SGCE: variants seen among roughly 807,000 people sequenced by gnomAD.
SGCE encodes the protein epsilon-sarcoglycan.
A neutral mutation model predicts 57.8 loss-of-function variants in SGCE; 26 were observed. That is an observed-to-expected ratio of 0.45 (90% CI 0.33 to 0.62). The LOEUF is 0.62. Among genes scored for constraint, SGCE ranks in the 20% least tolerant of loss-of-function variants. The pLI is 0.02. For missense variants in SGCE, 468 were observed against 548.6 expected (o/e 0.85, Z 1.47); for synonymous variants, 183 against 189.5 (o/e 0.97, Z 0.28).
intron 3 of SGCE, chr7:94,626,738 T>C (rs1321570887): frequency 2.6e-5 from 4 of 152,032 alleles, no homozygotes; most frequent in Non-Finnish European, 1.5e-5. Context: ...AATAGATTTA[T>C]CAGACAGAGT....
intron 7 of SGCE, chr7:94,600,334 C>T (rs1244085616): frequency 6.3e-6 from 2 of 318,872 alleles, no homozygotes; most frequent in African/African-American, 4.3e-5. Context: ...ATTCTGCAGT[C>T]TCTGCTCATG....
intron 4 of SGCE, chr7:94,620,542 G>A (rs1040972754): frequency 4.6e-5 from 7 of 152,088 alleles, no homozygotes; most frequent in Non-Finnish European, 1.0e-4. Flanking sequence ...ATGCAGAAAT[G>A]TGTTATGAGA....
At chr7:94,597,552 TGAGAGA>T (rs72089395) in intron 9 of SGCE, 1 of 151,758 alleles carries the variant, frequency 6.6e-6, no homozygotes, top group East Asian at 1.9e-4. Context: ...TCTGTGTGTA[TGAGAGA>T]GAGAGAAAGA....
intron 1 of SGCE, among the ~76,000 whole-genome samples, chr7:94,650,070 G>A (rs1042649702): frequency 2.6e-5 from 4 of 152,178 alleles, no homozygotes; most frequent in African/African-American, 9.6e-5. Flanking sequence ...ATACAGGAAA[G>A]AAAAATCTGC....
At chr7:94,633,726 G>A (rs930143644) in intron 1 of SGCE, among the ~76,000 whole-genome samples, 44 of 152,068 alleles carry the variant, frequency 2.9e-4, no homozygotes, top group African/African-American at 9.4e-4. Context: ...GGGTGTGCAC[G>A]TGTGCTTATT....
At chr7:94,637,672 G>A (rs1212521633) in intron 1 of SGCE, among the ~76,000 whole-genome samples, 3 of 152,136 alleles carry the variant, frequency 2.0e-5, no homozygotes, top group Admixed American at 6.5e-5. Flanking sequence ...GAGTGCAGCA[G>A]CTGTTGAGAG....
At chr7:94,615,202 T>C (rs779287760) in intron 5 of SGCE, among the ~76,000 whole-genome samples, 5 of 151,848 alleles carry the variant, frequency 3.3e-5, no homozygotes, top group Admixed American at 2.0e-4. Flanking sequence ...CTACTGAAAA[T>C]ACAAAAATTA....
chr7:94,618,441 G>A, intron 5 of SGCE: 1 of 252,906 alleles, frequency 4.0e-6, no homozygotes. Context: ...AATAACTGGG[G>A]CGTCAATTTC....
chr7:94,650,114 C>T (rs1807674511), intron 1 of SGCE, among the ~76,000 whole-genome samples: 2 of 152,166 alleles, frequency 1.3e-5, no homozygotes, highest in South Asian at 4.1e-4. Flanking sequence ...AGAATGTGCC[C>T]TTCAGCCAGG....
chr7:94,647,687 C>A (rs1394577310), intron 1 of SGCE, among the ~76,000 whole-genome samples: 1 of 152,226 alleles, frequency 6.6e-6, no homozygotes, highest in East Asian at 1.9e-4. Flanking sequence ...TGCTCCAACG[C>A]CACTGGACTT....
chr7:94,588,500 A>G, intron 10 of SGCE, 189 bp downstream of exon 10: 5 of 1,418,030 alleles, frequency 3.5e-6, no homozygotes, highest in South Asian at 1.5e-5. Flanking sequence ...CCCTGTGTTT[A>G]TCATTCTGAT....
At chr7:94,637,408 T>C (rs1805739720) in intron 1 of SGCE, among the ~76,000 whole-genome samples, 2 of 152,180 alleles carry the variant, frequency 1.3e-5, no homozygotes, top group East Asian at 3.9e-4. Context: ...GAGATCAAGC[T>C]AAACTGAAGA....
chr7:94,600,483 A>G (rs1156338116), intron 7 of SGCE, 163 bp downstream of exon 7: 1 of 606,090 alleles, frequency 1.6e-6, no homozygotes, highest in South Asian at 2.0e-5. Flanking sequence ...ACTCAAAACT[A>G]TTTTAATTCA....
At chr7:94,605,989 C>G (rs6980229) in intron 5 of SGCE, among the ~76,000 whole-genome samples, 19,063 of 152,000 alleles carry the variant, frequency 0.13, 1,435 homozygotes, top group South Asian at 0.24. Context: ...CCACCACACC[C>G]AGCTAATTTT....
At chr7:94,625,330 C>G (rs1486379365) in intron 3 of SGCE, 2 of 151,848 alleles carry the variant, frequency 1.3e-5, no homozygotes, top group Non-Finnish European at 2.9e-5. Flanking sequence ...AGATAAGTCA[C>G]TATATTATAT....
intron 10 of SGCE, chr7:94,588,133 T>G: frequency 8.7e-7 from 1 of 1,147,592 alleles, no homozygotes; most frequent in African/African-American, 1.6e-5. Flanking sequence ...TTAGGGACAC[T>G]TGAAAGAAAT....
chr7:94,628,093 C>A lies in SGCE; in HGVS notation c.390+109G>T. 4 of 780,416 alleles carry A rather than the reference C, an allele frequency of 5.1e-6. No homozygotes were observed. In the East Asian group the frequency reaches 1.1e-4, roughly 21 times the overall value. The allele number at this position is 780,416 out of a possible 1,614,324, so 48.3% of individuals were successfully genotyped here. ...TCCATGCACAAAATATTAAAAACCA[C>A]CATCAGGTAACTTTAGTTTCAACAC... On this transcript the variant is annotated intron_variant, in intron 3 of 10. Coordinates refer to ENST00000648936, the MANE Select transcript of SGCE (RefSeq NM_003919.3).
chr7:94,604,794 T>C (rs1397475666), intron 5 of SGCE, among the ~76,000 whole-genome samples: 2 of 89,756 alleles, frequency 2.2e-5, no homozygotes, highest in Non-Finnish European at 4.4e-5. Flanking sequence ...TTTTTATAAC[T>C]AATGGTGCTG....
At chr7:94,586,975 A>G (rs1796992875) in intron 10 of SGCE, 1 of 984,310 alleles carries the variant, frequency 1.0e-6, no homozygotes, top group Middle Eastern at 5.2e-4. Flanking sequence ...AGTCTATAAT[A>G]TGATCCAAAT....
Sources: allele counts gnomAD v4.1 joint callset (sites outside exome capture counted in the v4.1 genomes callset), GRCh38; gene constraint gnomAD v4.1.1; transcripts MANE v1.5; gene names NCBI Gene and HGNC (gene_info 2026-07-23, HGNC 2026-07-21).